FAM118A: variants seen among roughly 807,000 people sequenced by gnomAD.
FAM118A encodes SIR2 antiphage like 2.
In FAM118A, 25 loss-of-function variants were observed where a neutral mutation model predicts 38.2. The observed-to-expected ratio is 0.65, with a 90% CI of 0.48 to 0.91. FAM118A has a LOEUF of 0.91. Ranked by LOEUF, FAM118A falls within the 40% of genes least tolerant of loss-of-function variation. The probability of loss-of-function intolerance (pLI) is 0.00; values close to 1 mark genes in which losing one functional copy is unlikely to be tolerated. For synonymous variants in FAM118A, 178 were observed against 184.1 expected, an observed-to-expected ratio of 0.97 and a Z score of 0.27; for missense variants, 425 against 463.3, an observed-to-expected ratio of 0.92 and a Z score of 0.76.
rs2086406404 is a variant in FAM118A at position 45,340,441 on chromosome 22, C to T, written c.*36C>T. ...GTAAAACCTGCAACTTGAAAACTAGCCTTCTGTAACCACAGTGCCCAAACG... is the reference window on the plus strand; with the variant it reads ...GTAAAACCTGCAACTTGAAAACTAGTCTTCTGTAACCACAGTGCCCAAACG... On this transcript the variant is annotated 3_prime_UTR_variant, in exon 9 of 9. Transcript: ENST00000441876. 1 of 1,611,620 alleles carries T rather than the reference C, an allele frequency of 6.2e-7. No homozygotes were observed. Among genetic ancestry groups the T allele is most frequent in the South Asian group, 1.1e-5 (1 of 91,024 alleles).
intron 1 of FAM118A, among the ~76,000 whole-genome samples, chr22:45,317,674 C>T (rs2084664429): frequency 6.6e-6 from 1 of 152,218 alleles, no homozygotes; most frequent in African/African-American, 2.4e-5. Context: ...TTTGCTAGCT[C>T]AGCGCCAGGC....
At chr22:45,324,606 G>A (rs1278859664) in intron 3 of FAM118A, among the ~76,000 whole-genome samples, 1 of 152,234 alleles carries the variant, frequency 6.6e-6, no homozygotes, top group Non-Finnish European at 1.5e-5. Flanking sequence ...GGTTGGAAAT[G>A]TACAGCCTTG....
intron 3 of FAM118A, among the ~76,000 whole-genome samples, chr22:45,327,531 C>A (rs1392202587): frequency 6.6e-6 from 1 of 152,184 alleles, no homozygotes; most frequent in African/African-American, 2.4e-5. Context: ...CTCCACGAGC[C>A]CTCACCTCCT....
chr22:45,328,789 GAAA>G, intron 4 of FAM118A: 1 of 207,736 alleles, frequency 4.8e-6, no homozygotes, highest in Non-Finnish European at 9.6e-6. Context: ...AAAAACAAAA[GAAA>G]AAAAAAAAGA....
chr22:45,340,294 T>C (rs571006204), intron 8 of FAM118A, 92 bp from the exon 9 acceptor site: 14 of 1,486,184 alleles, frequency 9.4e-6, no homozygotes, highest in Non-Finnish European at 1.3e-5. Context: ...TAAGAACAAT[T>C]GTAAAGCAGT....
intron 1 of FAM118A, chr22:45,318,394 C>T (rs947038033): frequency 3.3e-5 from 5 of 152,276 alleles, no homozygotes; most frequent in East Asian, 1.9e-4. Context: ...AGAGATGCAG[C>T]GTCTGAAAGG....
At chr22:45,312,815 C>T (rs753018187) in intron 1 of FAM118A, among the ~76,000 whole-genome samples, 5 of 152,154 alleles carry the variant, frequency 3.3e-5, no homozygotes, top group African/African-American at 7.2e-5. Flanking sequence ...GTGCCCTCCC[C>T]GGGGTGTACC....
At chr22:45,316,149 C>T (rs1601882040) in intron 1 of FAM118A, among the ~76,000 whole-genome samples, 1 of 152,200 alleles carries the variant, frequency 6.6e-6, no homozygotes, top group Admixed American at 6.5e-5. Context: ...AAGCGATTCT[C>T]CTGTCTTAGC....
In FAM118A at chr22:45,340,540, G is replaced by C; in HGVS notation, c.*135G>C. The stretch of plus-strand genomic sequence containing the variant: ...TCACATACACCAAGAGAGCCACATG[G>C]GCATGTGGCCCTCAAGGCTGGGTGA... On this transcript the variant is annotated 3_prime_UTR_variant, in exon 9 of 9. Coordinates refer to ENST00000441876, the MANE Select transcript of FAM118A (RefSeq NM_017911.4). 2 of 1,063,038 alleles carry C rather than the reference G, an allele frequency of 1.9e-6. No homozygotes were observed. Among genetic ancestry groups the C allele is most frequent in the Non-Finnish European group, 2.9e-6 (2 of 687,330 alleles). The allele number at this position is 1,063,038 out of a possible 1,614,324, so 65.9% of individuals were successfully genotyped here.
intron 1 of FAM118A, among the ~76,000 whole-genome samples, chr22:45,310,437 T>C (rs2146567386): frequency 6.6e-6 from 1 of 152,114 alleles, no homozygotes; most frequent in East Asian, 1.9e-4. Flanking sequence ...GAACTGTTGG[T>C]TCCGGAAACT....
At position 45,325,755 on chromosome 22, in the gene FAM118A, G is replaced by A. The variant is rs191002115; in HGVS notation, c.301-2087G>A. ...GGAATTTAGAGGCCATGATCCCAGG[G>A]AGAATCATCCAAGCGGACATGAGAA... On this transcript the variant is annotated intron_variant, in intron 3 of 8. Coordinates refer to ENST00000441876, the MANE Select transcript of FAM118A (RefSeq NM_017911.4). Among the ~76,000 whole-genome samples, 79 of 152,296 alleles carry A rather than the reference G, an allele frequency of 5.2e-4. No individual in the cohort carries two copies. In the East Asian group the frequency reaches 0.012, roughly 23 times the overall value.
At chr22:45,337,403 G>C (rs1226635414) in intron 8 of FAM118A, among the ~76,000 whole-genome samples, 1 of 152,062 alleles carries the variant, frequency 6.6e-6, no homozygotes, top group Non-Finnish European at 1.5e-5. Context: ...TCAATGTCAG[G>C]GTCAAATGTG....
chr22:45,315,694 A>T (rs1287443747), intron 1 of FAM118A, among the ~76,000 whole-genome samples: 4 of 150,626 alleles, frequency 2.7e-5, no homozygotes, highest in Admixed American at 2.6e-4. Context: ...AGAGAGGTCT[A>T]CCTGGCTGGG....
chr22:45,323,447 C>G lies in FAM118A; in HGVS notation c.300+20C>G, dbSNP rs1365165000. On this transcript the variant is annotated intron_variant, in intron 3 of 8. Transcript: ENST00000441876. ...TCACCTGTAAGTGTCAGACAAGTAC[C>G]TCTTGGGGACAGCTTGGTTCTGCAG... is the stretch of plus-strand genomic sequence containing the variant. 1 of 1,605,594 alleles carries G rather than the reference C, an allele frequency of 6.2e-7. No individual in the cohort carries two copies. Among genetic ancestry groups the G allele is most frequent in the Admixed American group, 1.7e-5 (1 of 59,900 alleles).
At chr22:45,322,705 C>G (rs1265317580) in intron 2 of FAM118A, among the ~76,000 whole-genome samples, 2 of 152,176 alleles carry the variant, frequency 1.3e-5, no homozygotes, top group African/African-American at 2.4e-5. Context: ...AATTCTTTGA[C>G]TACAGATGGA....
chr22:45,335,767 A>T (rs1012931245), intron 7 of FAM118A, among the ~76,000 whole-genome samples: 1 of 152,236 alleles, frequency 6.6e-6, no homozygotes, highest in African/African-American at 2.4e-5. Flanking sequence ...GAGCTTGCAC[A>T]CAGAAGCTTC....
At chr22:45,312,325 C>G (rs2084406313) in intron 1 of FAM118A, among the ~76,000 whole-genome samples, 1 of 152,170 alleles carries the variant, frequency 6.6e-6, no homozygotes, top group African/African-American at 2.4e-5. Context: ...GCCTGAGCCT[C>G]TGGAACTTCT....
intron 1 of FAM118A, among the ~76,000 whole-genome samples, chr22:45,319,402 C>T (rs908009965): frequency 2.6e-5 from 4 of 152,306 alleles, no homozygotes; most frequent in African/African-American, 4.8e-5. Flanking sequence ...GCCCTCTTAT[C>T]GTCCCCTTCC....
chr22:45,330,534 A>G (rs1178664693), intron 4 of FAM118A, 69 bp from the exon 5 acceptor site: 7 of 1,411,668 alleles, frequency 5.0e-6, no homozygotes, highest in East Asian at 5.1e-5. Flanking sequence ...ATCCATTTTC[A>G]GTATTTTCTT....
Sources: gnomAD v4.1 joint callset for allele counts (sites outside exome capture counted in the v4.1 genomes callset) on GRCh38, gnomAD v4.1.1 for gene constraint, MANE v1.5 for transcripts, NCBI Gene and HGNC (gene_info 2026-07-23, HGNC 2026-07-21) for gene names.